Variants in VPS35L observed in about 807,000 individuals in gnomAD.
VPS35L encodes the protein VPS35 endosomal protein-sorting factor-like.
VPS35L carries 83 observed loss-of-function variants against 133.0 expected under a neutral mutation model. The ratio of observed to expected loss-of-function variants is 0.62; its 90% confidence interval spans 0.52 to 0.75. VPS35L has a LOEUF of 0.75. Among genes scored for constraint, VPS35L ranks in the 30% least tolerant of loss-of-function variants. The probability of loss-of-function intolerance (pLI) is 0.00; values close to 1 mark genes in which losing one functional copy is unlikely to be tolerated. For missense variants in VPS35L, 1,083 were observed against 1,206.8 expected (o/e 0.90, Z 1.52); for synonymous variants, 423 against 449.9 (o/e 0.94, Z 0.76).
At chr16:19,596,054 G>GA (rs961814798) in intron 8 of VPS35L, among the ~76,000 whole-genome samples, 41 of 150,910 alleles carry the variant, frequency 2.7e-4, no homozygotes, top group South Asian at 2.3e-3. Flanking sequence ...TGAGGCAGGA[G>GA]AAAAAAAAAG....
intron 8 of VPS35L, 173 bp from the exon 9 acceptor site, chr16:19,601,491 A>AATT (rs1972381669): frequency 1.6e-6 from 1 of 612,842 alleles, no homozygotes; most frequent in Non-Finnish European, 2.8e-6. Context: ...GAAAAACTAA[A>AATT]AACAAAACAA....
intron 8 of VPS35L, among the ~76,000 whole-genome samples, chr16:19,594,447 C>T (rs1373842221): frequency 6.6e-6 from 1 of 151,938 alleles, no homozygotes; most frequent in Non-Finnish European, 1.5e-5. Flanking sequence ...AGTGCGAGAC[C>T]AGACTGGCTA....
chr16:19,647,520 CAAT>C (rs1222347957), intron 23 of VPS35L, among the ~76,000 whole-genome samples: 2 of 152,130 alleles, frequency 1.3e-5, no homozygotes, highest in East Asian at 3.9e-4. Flanking sequence ...AAGGGGCCCC[CAAT>C]AACCACATTT....
rs930929987 is a variant in VPS35L at position 19,652,026 on chromosome 16, C to T, written c.2157C>T (p.Phe719=). 4 of 1,613,548 alleles carry T rather than the reference C, an allele frequency of 2.5e-6. No individual in the cohort carries two copies. Among genetic ancestry groups the T allele is most frequent in the Non-Finnish European group, 3.4e-6 (4 of 1,179,770 alleles). ...CCATCCCCTCCCTGGCGGGCATCTT[C>T]ACACGTCTCAATCTCTACCTGCATT... ...FITIPSLAGI[F]TRLNLYLHSG... Residue 719 remains phenylalanine, a synonymous_variant, in exon 26 of 31, where the codon TTC becomes TTT. Transcript: ENST00000417362.
intron 27 of VPS35L, among the ~76,000 whole-genome samples, chr16:19,679,295 G>A (rs1448877045): frequency 6.6e-6 from 1 of 151,560 alleles, no homozygotes; most frequent in Non-Finnish European, 1.5e-5. Context: ...TATCATAAGA[G>A]CAATTCTTTT....
At chr16:19,672,936 C>G (rs552002376) in intron 27 of VPS35L, among the ~76,000 whole-genome samples, 5 of 152,220 alleles carry the variant, frequency 3.3e-5, no homozygotes, top group Non-Finnish European at 7.3e-5. Flanking sequence ...CATTCAGCAT[C>G]TGCAGGTTAA....
At chr16:19,582,262 T>G (rs1375726864) in intron 7 of VPS35L, among the ~76,000 whole-genome samples, 1 of 152,194 alleles carries the variant, frequency 6.6e-6, no homozygotes, top group Non-Finnish European at 1.5e-5. Flanking sequence ...CTCAGCAAAA[T>G]GTGCTCAGAA....
At chr16:19,660,653 C>T (rs1974453601) in intron 26 of VPS35L, among the ~76,000 whole-genome samples, 1 of 152,156 alleles carries the variant, frequency 6.6e-6, no homozygotes, top group South Asian at 2.1e-4. Context: ...TTTTCCATAT[C>T]ACCAATGCCA....
At chr16:19,567,572 G>A (rs540652859) in intron 2 of VPS35L, among the ~76,000 whole-genome samples, 99 of 152,066 alleles carry the variant, frequency 6.5e-4, no homozygotes, top group Non-Finnish European at 1.1e-3. Context: ...TACCCCAATG[G>A]GAGGTGCTTC....
chr16:19,644,912 G>T lies in VPS35L; in HGVS notation c.1892G>T (p.Arg631Ile), dbSNP rs746235591. Residue 631 changes from arginine (R) to isoleucine (I), a missense_variant, in exon 23 of 31, where the codon AGA (arginine) becomes ATA (isoleucine). Arg to Ile is a moderately conservative substitution (Grantham distance 97). Coordinates refer to ENST00000417362, the MANE Select transcript of VPS35L (RefSeq NM_020314.7). ...VNALTLEDEK[R>I]MLSYLINGFI... Reference sequence around the variant, plus strand: ...GCACTCACTCTTGAGGATGAGAAAAGAATGCTGTCATATTTGATTAATGGA... The same window carrying T: ...GCACTCACTCTTGAGGATGAGAAAATAATGCTGTCATATTTGATTAATGGA... The T allele has an allele frequency of 2.0e-5, 32 of 1,601,860 alleles. No individual in the cohort carries two copies. In the Middle Eastern group the frequency reaches 5.0e-4, roughly 25 times the overall value.
chr16:19,694,382 G>T (rs1055878151), intron 29 of VPS35L: 1 of 152,108 alleles, frequency 6.6e-6, no homozygotes, highest in Non-Finnish European at 1.5e-5. Flanking sequence ...TTTCAGGAGA[G>T]AGCCCTTTCA....
At chr16:19,627,654 G>A in intron 15 of VPS35L, 40 bp from the exon 16 acceptor site, 4 of 1,460,880 alleles carry the variant, frequency 2.7e-6, no homozygotes, top group Non-Finnish European at 2.9e-6. Context: ...AACTTTGATT[G>A]AGGAGAAGCC....
At chr16:19,581,750 C>T (rs1414965069) in intron 7 of VPS35L, 97 bp downstream of exon 7, 1 of 1,353,380 alleles carries the variant, frequency 7.4e-7, no homozygotes, top group Non-Finnish European at 1.0e-6. Flanking sequence ...CAGGGTCTTA[C>T]TCTTGTTTTC....
chr16:19,559,982 C>T (rs1210938169), intron 1 of VPS35L, among the ~76,000 whole-genome samples: 2 of 152,102 alleles, frequency 1.3e-5, no homozygotes, highest in African/African-American at 4.8e-5. Flanking sequence ...GGATTACAGG[C>T]GTGAGCCACT....
At chr16:19,571,519 C>CT (rs951530016) in intron 3 of VPS35L, among the ~76,000 whole-genome samples, 33 of 149,660 alleles carry the variant, frequency 2.2e-4, no homozygotes, top group African/African-American at 6.6e-4. Flanking sequence ...CACCCCACAA[C>CT]TTTTTTTTTT....
intron 26 of VPS35L, among the ~76,000 whole-genome samples, chr16:19,659,751 C>T (rs1974418497): frequency 6.6e-6 from 1 of 152,184 alleles, no homozygotes; most frequent in Non-Finnish European, 1.5e-5. Context: ...AAAGGCACCC[C>T]ATCACTTGGT....
At chr16:19,617,593 G>A (rs1210591325) in intron 14 of VPS35L, 1 of 151,840 alleles carries the variant, frequency 6.6e-6, no homozygotes, top group Non-Finnish European at 1.5e-5. Flanking sequence ...TTTGCCAGTT[G>A]AAGTATTGTC....
Position 19,636,022 on chromosome 16 carries a change from A to G in VPS35L, c.1636-1572A>G, listed in dbSNP as rs546381098. Among the ~76,000 whole-genome samples, 7 of 151,976 alleles carry G rather than the reference A, an allele frequency of 4.6e-5. No individual in the cohort carries two copies. In the East Asian group the frequency reaches 1.4e-3, roughly 29 times the overall value. ...AACATGGCAAAACCCCGTCACTACTAAAAAAATATAAAAATTAGATGGGTG... is the reference window on the plus strand; with the variant it reads ...AACATGGCAAAACCCCGTCACTACTGAAAAAATATAAAAATTAGATGGGTG... On this transcript the variant is annotated intron_variant, in intron 19 of 30. Coordinates refer to ENST00000417362, the MANE Select transcript of VPS35L (RefSeq NM_020314.7).
chr16:19,609,947 T>C (rs934037371), intron 11 of VPS35L, among the ~76,000 whole-genome samples: 8 of 152,100 alleles, frequency 5.3e-5, no homozygotes, highest in African/African-American at 1.9e-4. Context: ...TACGGGACAG[T>C]AAATCTGTGG....
Sources: gnomAD v4.1 joint callset for allele counts (sites outside exome capture counted in the v4.1 genomes callset) on GRCh38, gnomAD v4.1.1 for gene constraint, MANE v1.5 for transcripts, NCBI Gene and HGNC (gene_info 2026-07-23, HGNC 2026-07-21) for gene names.